Variants in COL4A2 observed in about 807,000 individuals in gnomAD.
COL4A2 encodes the protein collagen type IV alpha 2 chain.
COL4A2 carries 99 observed loss-of-function variants against 200.2 expected under a neutral mutation model. The observed-to-expected ratio is 0.49, with a 90% CI of 0.42 to 0.58. The LOEUF is 0.58. Among genes scored for constraint, COL4A2 ranks in the 20% least tolerant of loss-of-function variants. The pLI, the probability that COL4A2 is intolerant of heterozygous loss-of-function variation, is 0.00. For synonymous variants in COL4A2, 897 were observed against 900.6 expected (o/e 1.00, Z 0.07); for missense variants, 1,950 against 2,314.1 (o/e 0.84, Z 3.23).
intron 3 of COL4A2, among the ~76,000 whole-genome samples, chr13:110,338,139 A>G (rs533373053): frequency 6.6e-6 from 1 of 152,310 alleles, no homozygotes; most frequent in African/African-American, 2.4e-5. Flanking sequence ...AGTCTGTTTC[A>G]TGTGCATTTT....
chr13:110,462,069 T>C, intron 22 of COL4A2, 45 bp from the exon 23 acceptor site: 1 of 1,609,878 alleles, frequency 6.2e-7, no homozygotes, highest in Non-Finnish European at 8.5e-7. Context: ...TCAGATGCCC[T>C]CACAGTACAA....
At chr13:110,386,757 G>A (rs1878767479) in intron 4 of COL4A2, among the ~76,000 whole-genome samples, 1 of 152,136 alleles carries the variant, frequency 6.6e-6, no homozygotes, top group Non-Finnish European at 1.5e-5. Flanking sequence ...AGAAAAGTGA[G>A]ATGCTTACGC....
intron 27 of COL4A2, chr13:110,468,382 C>G (rs1421329248): frequency 2.1e-6 from 1 of 465,280 alleles, no homozygotes; most frequent in South Asian, 1.6e-5. Context: ...ATGGTGACAA[C>G]TCTGCATGTC....
At chr13:110,429,276 C>G (rs1880587254) in intron 7 of COL4A2, 1 of 152,240 alleles carries the variant, frequency 6.6e-6, no homozygotes, top group East Asian at 1.9e-4. Context: ...TGCTAGTTCA[C>G]CTTTCCTCGG....
chr13:110,425,051 AC>A, intron 6 of COL4A2, 54 bp downstream of exon 6: 1 of 1,488,574 alleles, frequency 6.7e-7, no homozygotes, highest in Non-Finnish European at 9.0e-7. Context: ...CCTAGGCAAT[AC>A]ATTTTGTGAC....
intron 39 of COL4A2, among the ~76,000 whole-genome samples, chr13:110,494,620 C>T (rs1300324974): frequency 2.0e-5 from 3 of 151,686 alleles, no homozygotes; most frequent in African/African-American, 4.8e-5. Context: ...AGAAGAATGG[C>T]GTGAACCCGG....
At chr13:110,351,594 T>C (rs1876964356) in intron 3 of COL4A2, among the ~76,000 whole-genome samples, 2 of 152,230 alleles carry the variant, frequency 1.3e-5, no homozygotes, top group Non-Finnish European at 2.9e-5. Context: ...AACTATTCCT[T>C]TTGGTTCCAC....
chr13:110,433,681 C>A (rs922986719), intron 11 of COL4A2, among the ~76,000 whole-genome samples: 1 of 152,154 alleles, frequency 6.6e-6, no homozygotes, highest in Non-Finnish European at 1.5e-5. Flanking sequence ...ACACAGAAAC[C>A]CTGGGAAAGA....
intron 4 of COL4A2, among the ~76,000 whole-genome samples, chr13:110,374,468 C>CCT (rs753566536): frequency 4.1e-4 from 62 of 152,174 alleles, no homozygotes; most frequent in Non-Finnish European, 5.9e-4. Context: ...CTTTCTCTCC[C>CCT]TAAACAAAAT....
At chr13:110,473,254 CCTATAGTG>C in intron 29 of COL4A2, 104 bp downstream of exon 29, 8 of 1,090,132 alleles carry the variant, frequency 7.3e-6, no homozygotes, top group Non-Finnish European at 1.0e-5. Context: ...GCAGCGGTGC[CCTATAGTG>C]CTAGCCATGC....
chr13:110,475,339 A>G (rs1882668276), intron 29 of COL4A2, among the ~76,000 whole-genome samples: 1 of 152,236 alleles, frequency 6.6e-6, no homozygotes, highest in South Asian at 2.1e-4. Flanking sequence ...ATGAGTTCAC[A>G]GAAGGCAAAG....
chr13:110,482,079 C>T (rs1045042779), intron 31 of COL4A2, among the ~76,000 whole-genome samples: 2 of 152,268 alleles, frequency 1.3e-5, no homozygotes, highest in South Asian at 4.1e-4. Flanking sequence ...TTGCTGGAGA[C>T]ACCTTGACCT....
At position 110,424,640 on chromosome 13, in the gene COL4A2, C is replaced by CAAAAA. The variant is rs71127938; in HGVS notation, c.181-87_181-83dup. ...CCTGTAGATTATAGCTCTTTAAAAA[C>CAAAAA]AAAAAAAAAAATGTAGTTTTGAAAG... On this transcript the variant is annotated intron_variant, in intron 4 of 47. Transcript: ENST00000360467. The CAAAAA allele has an allele frequency of 0.084, 58,424 of 691,816 alleles. 1,080 individuals are homozygous for CAAAAA. Among genetic ancestry groups the CAAAAA allele is most frequent in the East Asian group, 0.15 (4,831 of 32,316 alleles). The allele number at this position is 691,816 out of a possible 1,614,324, so 42.9% of individuals were successfully genotyped here.
chr13:110,485,574 G>T, intron 33 of COL4A2, 81 bp from the exon 34 acceptor site: 1 of 872,282 alleles, frequency 1.1e-6, no homozygotes, highest in Non-Finnish European at 1.8e-6. Flanking sequence ...ACAGCAAAAT[G>T]CATCCAGGCT....
chr13:110,361,203 C>T (rs148828219), intron 4 of COL4A2, among the ~76,000 whole-genome samples: 301 of 152,316 alleles, frequency 2.0e-3, no homozygotes, highest in Middle Eastern at 0.017. Context: ...ACTACAAATC[C>T]GGTGCATGTG....
chr13:110,356,397 C>T (rs569878789), intron 3 of COL4A2, among the ~76,000 whole-genome samples: 121 of 152,302 alleles, frequency 7.9e-4, no homozygotes, highest in African/African-American at 2.8e-3. Context: ...CAAGTGATAT[C>T]GGTGGTGCAG....
chr13:110,346,576 A>AT (rs1876710710), intron 3 of COL4A2, among the ~76,000 whole-genome samples: 1 of 151,206 alleles, frequency 6.6e-6, no homozygotes, highest in Non-Finnish European at 1.5e-5. Context: ...CGAGATGGAA[A>AT]TTGCCTGCAT....
Position 110,446,540 on chromosome 13 carries a change from C to T in COL4A2, c.1012-258C>T, listed in dbSNP as rs183798085. ...ACAGAAAGCACAGTCTCCTGGCATT[C>T]GACAAGGATTTCAAAATGAGATGAG... On this transcript the variant is annotated intron_variant, in intron 17 of 47. Coordinates refer to ENST00000360467, the MANE Select transcript of COL4A2 (RefSeq NM_001846.4). Among the ~76,000 whole-genome samples the T allele has an allele frequency of 4.3e-3, 656 of 152,250 alleles. 12 individuals carry two copies. Among genetic ancestry groups the T allele is most frequent in the Non-Finnish European group, 5.4e-3 (367 of 68,012 alleles).
chr13:110,320,393 C>A (rs893956957), intron 3 of COL4A2, among the ~76,000 whole-genome samples: 8 of 152,232 alleles, frequency 5.3e-5, no homozygotes, highest in Non-Finnish European at 1.0e-4. Flanking sequence ...TTGTTATCTG[C>A]TTCTCACCTG....
Sources: gnomAD v4.1 joint callset for allele counts (sites outside exome capture counted in the v4.1 genomes callset) on GRCh38, gnomAD v4.1.1 for gene constraint, MANE v1.5 for transcripts, NCBI Gene and HGNC (gene_info 2026-07-23, HGNC 2026-07-21) for gene names.